Variants in CDH4 observed in about 807,000 individuals in gnomAD.
CDH4 encodes the protein cadherin-4.
CDH4 carries 33 observed loss-of-function variants against 86.0 expected under a neutral mutation model. That is an observed-to-expected ratio of 0.38 (90% CI 0.29 to 0.51). CDH4 has a LOEUF of 0.51. Among genes scored for constraint, CDH4 ranks in the 20% least tolerant of loss-of-function variants. The probability of loss-of-function intolerance (pLI) is 0.86; values close to 1 mark genes in which losing one functional copy is unlikely to be tolerated. For missense variants in CDH4, 1,114 were observed against 1,307.4 expected, an observed-to-expected ratio of 0.85 and a Z score of 2.28; for synonymous variants, 555 against 549.4, an observed-to-expected ratio of 1.01 and a Z score of -0.14.
intron 2 of CDH4, among the ~76,000 whole-genome samples, chr20:61,408,118 A>G (rs1330761121): frequency 6.6e-6 from 1 of 152,176 alleles, no homozygotes; most frequent in Non-Finnish European, 1.5e-5. Context: ...TCCATCGTCA[A>G]GTGTCCTCTC....
intron 2 of CDH4, among the ~76,000 whole-genome samples, chr20:61,534,876 T>G (rs1370310529): frequency 7.0e-6 from 1 of 141,988 alleles, no homozygotes; most frequent in East Asian, 2.3e-4. Flanking sequence ...AGATGCCTGC[T>G]CATCCTCAAC....
At position 61,708,603 on chromosome 20, in the gene CDH4, T is replaced by C. The variant is rs2087858029; in HGVS notation, c.170-34960T>C. 6.6e-6 allele frequency among the ~76,000 whole-genome samples: 1 copy of C among 152,108 alleles called. No homozygotes were observed. Among genetic ancestry groups the C allele is most frequent in the African/African-American group, 2.4e-5 (1 of 41,420 alleles). On this transcript the variant is annotated intron_variant, in intron 2 of 15. Transcript: ENST00000614565. The surrounding 1 kb of genome is among the most constrained non-coding windows in gnomAD (Gnocchi z 4.5). ...GCTCCCTCCAGCCTCATGCCCCTTG[T>C]AGACCCTCTCCACCCTCCTGTGCCT... is the stretch of plus-strand genomic sequence containing the variant.
intron 4 of CDH4, among the ~76,000 whole-genome samples, chr20:61,781,876 A>G (rs1003019999): frequency 4.6e-5 from 7 of 152,248 alleles, no homozygotes; most frequent in South Asian, 2.1e-4. Flanking sequence ...AAAAGGTGCA[A>G]TATGTCCGGG....
In CDH4 at chr20:61,929,604, A is replaced by T; in HGVS notation, c.2006-5A>T. On this transcript the variant is annotated splice_region_variant and splice_polypyrimidine_tract_variant and intron_variant, in intron 12 of 15. Transcript: ENST00000614565. ...GGTTGAATGTTTACTGTTGCTTTGC[A>T]CCAGGTGACTATGCCCAACTCAGCT... 1 of 1,610,216 alleles carries T rather than the reference A, an allele frequency of 6.2e-7. No homozygotes were observed.
At chr20:61,850,891 C>G (rs1462137481) in intron 5 of CDH4, among the ~76,000 whole-genome samples, 3 of 152,256 alleles carry the variant, frequency 2.0e-5, no homozygotes, top group Non-Finnish European at 2.9e-5. Context: ...AGGACACAGG[C>G]CACGGGCAGA....
At chr20:61,828,316 C>G (rs1036205970) in intron 4 of CDH4, among the ~76,000 whole-genome samples, 1 of 152,174 alleles carries the variant, frequency 6.6e-6, no homozygotes, top group Non-Finnish European at 1.5e-5. Flanking sequence ...TTGCCTCCCC[C>G]CATTACACAT....
At chr20:61,383,199 TTATA>T (rs1211857430) in intron 2 of CDH4, among the ~76,000 whole-genome samples, 4 of 73,446 alleles carry the variant, frequency 5.4e-5, no homozygotes, top group African/African-American at 2.9e-4. Context: ...ATGAATATAT[TTATA>T]TATGAATATA....
rs2087852661 is a variant in CDH4 at position 61,708,205 on chromosome 20, C to G, written c.170-35358C>G. Reference sequence around the variant, plus strand: ...GAAGGGCTGGTGCTGCCCGCAAGTGCCTGGACCTGCACACACACACAGGGC... The same window carrying G: ...GAAGGGCTGGTGCTGCCCGCAAGTGGCTGGACCTGCACACACACACAGGGC... On this transcript the variant is annotated intron_variant, in intron 2 of 15. Transcript: ENST00000614565. This position sits in a 1 kb window ranked among gnomAD's most constrained non-coding sequence, Gnocchi z 4.5. Among the ~76,000 whole-genome samples the G allele has an allele frequency of 1.3e-5, 2 of 152,138 alleles. No homozygotes were observed. Among genetic ancestry groups the G allele is most frequent in the Admixed American group, 1.3e-4 (2 of 15,282 alleles).
intron 2 of CDH4, among the ~76,000 whole-genome samples, chr20:61,549,966 G>A (rs2086115336): frequency 6.6e-6 from 1 of 152,124 alleles, no homozygotes; most frequent in African/African-American, 2.4e-5. Context: ...CCTTGGAGAA[G>A]ACCTTCCTCC....
In CDH4 at chr20:61,545,830, A is replaced by G. The variant is rs73134515; in HGVS notation, c.170-197733A>G. ...ATACGGTGCGTGTTCACATGTGTGT[A>G]TGTGTGTGTGTGGAGGGGTATGTGT... is the stretch of plus-strand genomic sequence containing the variant. On this transcript the variant is annotated intron_variant, in intron 2 of 15. Transcript: ENST00000614565. 6.7e-3 allele frequency among the ~76,000 whole-genome samples: 553 copies of G among 81,994 alleles called. 2 individuals carry two copies. The highest frequency in any genetic ancestry group is 0.011 in the Non-Finnish European group (458 of 40,328). The allele number at this position is 81,994 out of a possible 152,430, so 53.8% of individuals were successfully genotyped here. A position where few individuals can be genotyped will look rare whatever the true frequency, so the allele number is the denominator to read the frequency against.
At chr20:61,671,278 G>A (rs944212392) in intron 2 of CDH4, among the ~76,000 whole-genome samples, 10 of 152,184 alleles carry the variant, frequency 6.6e-5, no homozygotes, top group African/African-American at 2.4e-4. Flanking sequence ...GATGGCTTAA[G>A]GCCAGGAGTT....
rs946301960 is a variant in CDH4 at position 61,501,960 on chromosome 20, G to A, written c.170-241603G>A. 6.6e-6 allele frequency among the ~76,000 whole-genome samples: 1 copy of A among 152,154 alleles called. No homozygotes were observed. The highest frequency in any genetic ancestry group is 1.5e-5 in the Non-Finnish European group (1 of 68,036). On this transcript the variant is annotated intron_variant, in intron 2 of 15. Coordinates refer to ENST00000614565, the MANE Select transcript of CDH4 (RefSeq NM_001794.5). This position sits in a 1 kb window ranked among gnomAD's most constrained non-coding sequence, Gnocchi z 4.2. ...CCCCGTGTAAAGTAAGATGAACCGA[G>A]TGGGCACGTTAGCCCAGGCCGTTAC...
At chr20:61,856,148 G>A (rs1353341014) in intron 6 of CDH4, among the ~76,000 whole-genome samples, 2 of 152,208 alleles carry the variant, frequency 1.3e-5, no homozygotes, top group African/African-American at 4.8e-5. Context: ...TCTACACAGT[G>A]CCTTTGTGGG....
At chr20:61,568,249 G>C (rs1272511552) in intron 2 of CDH4, among the ~76,000 whole-genome samples, 1 of 152,142 alleles carries the variant, frequency 6.6e-6, no homozygotes, top group Non-Finnish European at 1.5e-5. Context: ...TGGTGGGAGG[G>C]AGCCGGTGAG....
At chr20:61,702,406 A>G (rs1280525716) in intron 2 of CDH4, among the ~76,000 whole-genome samples, 1 of 152,174 alleles carries the variant, frequency 6.6e-6, no homozygotes, top group Non-Finnish European at 1.5e-5. Flanking sequence ...TCCTCCAGGA[A>G]CGCTCCACAC....
intron 2 of CDH4, among the ~76,000 whole-genome samples, chr20:61,478,711 G>A (rs2085553082): frequency 6.6e-6 from 1 of 152,182 alleles, no homozygotes; most frequent in South Asian, 2.1e-4. Context: ...AGATCACGGT[G>A]ACGTGAAAAA....
In CDH4 at chr20:61,810,735, GT is replaced by G. The variant is rs1980391206; in HGVS notation, c.577-33932del. Among the ~76,000 whole-genome samples, 1 of 152,150 alleles carries G rather than the reference GT, an allele frequency of 6.6e-6. No individual in the cohort carries two copies. Among genetic ancestry groups the G allele is most frequent in the Non-Finnish European group, 1.5e-5 (1 of 68,042 alleles). On this transcript the variant is annotated intron_variant, in intron 4 of 15. Transcript: ENST00000614565. This position sits in a 1 kb window ranked among gnomAD's most constrained non-coding sequence, Gnocchi z 4.3. Reference sequence around the variant, plus strand: ...TAGATGACGTGTAGCCGCATTCAGGGTCTGGCTGCCAGGGCAGAACCAAGCA... The same window carrying G: ...TAGATGACGTGTAGCCGCATTCAGGGCTGGCTGCCAGGGCAGAACCAAGCA...
chr20:61,304,420 G>C (rs1003756511), intron 2 of CDH4, among the ~76,000 whole-genome samples: 1 of 152,086 alleles, frequency 6.6e-6, no homozygotes, highest in Non-Finnish European at 1.5e-5. Context: ...CTTCATAATG[G>C]TCTGCGTGGT....
intron 9 of CDH4, among the ~76,000 whole-genome samples, chr20:61,918,557 G>A (rs1424122739): frequency 3.9e-5 from 6 of 152,180 alleles, no homozygotes; most frequent in Admixed American, 3.3e-4. Context: ...AGGTGACAGC[G>A]TGCATCAGGG....
Sources: gnomAD v4.1 joint callset for allele counts (sites outside exome capture counted in the v4.1 genomes callset) on GRCh38, gnomAD v4.1.1 for gene constraint, Gnocchi (gnomAD v3.1) non-coding constraint, MANE v1.5 for transcripts, NCBI Gene and HGNC (gene_info 2026-07-23, HGNC 2026-07-21) for gene names.